LMBRD2: variants seen among roughly 807,000 people sequenced by gnomAD.
The protein encoded by LMBRD2 is LMBR1 domain containing 2.
A neutral mutation model predicts 94.4 loss-of-function variants in LMBRD2; 55 were observed. The observed-to-expected ratio is 0.58, with a 90% CI of 0.47 to 0.73. The LOEUF (loss-of-function observed/expected upper bound fraction) is 0.73. LMBRD2 is among the 30% of genes least tolerant of loss of function. The pLI, the probability that LMBRD2 is intolerant of heterozygous loss-of-function variation, is 0.00. For synonymous variants in LMBRD2, 246 were observed against 272.4 expected (o/e 0.90, Z 0.95); for missense variants, 640 against 831.9 (o/e 0.77, Z 2.84).
At chr5:36,128,575 C>T (rs1030633138) in intron 6 of LMBRD2, among the ~76,000 whole-genome samples, 9 of 152,098 alleles carry the variant, frequency 5.9e-5, no homozygotes, top group South Asian at 4.2e-4. Flanking sequence ...CAAAAATTAG[C>T]TGGGTGGTGG....
chr5:36,107,226 T>C (rs1021718415), intron 16 of LMBRD2, among the ~76,000 whole-genome samples: 22 of 152,200 alleles, frequency 1.4e-4, no homozygotes, highest in African/African-American at 4.8e-4. Context: ...TCTGGTGAAA[T>C]TCCCCCCTAT....
Position 36,122,436 on chromosome 5 carries a change from G to A in LMBRD2, c.964C>T (p.Arg322Ter), listed in dbSNP as rs763720616. The change falls in exon 9 of 18, where the codon CGA becomes TGA. Residue 322 changes from arginine (R) to a stop codon, truncating the protein, a stop_gained. Transcript: ENST00000296603. LOFTEE classifies it high-confidence loss of function. Reference sequence around the variant, plus strand: ...AGAATCTGCCATTGTACTTGAGTTCGACGGTGTCTCTGAACTGAATAAATC... The same window carrying A: ...AGAATCTGCCATTGTACTTGAGTTCAACGGTGTCTCTGAACTGAATAAATC... ...QVIYSVQRHR[R>*]TQVQWQILLE... 2.5e-6 allele frequency: 4 copies of A among 1,613,320 alleles called. No homozygotes were observed. The highest frequency in any genetic ancestry group is 3.4e-6 in the Non-Finnish European group (4 of 1,179,670).
At chr5:36,145,734 C>T (rs959738426) in intron 1 of LMBRD2, among the ~76,000 whole-genome samples, 1 of 151,846 alleles carries the variant, frequency 6.6e-6, no homozygotes, top group Non-Finnish European at 1.5e-5. Context: ...ATATGACAAT[C>T]ATACAAAAAA....
chr5:36,142,479 A>T (rs1023554272), intron 3 of LMBRD2, 23 bp downstream of exon 3: 21 of 1,366,402 alleles, frequency 1.5e-5, no homozygotes, highest in Non-Finnish European at 2.2e-5. Context: ...ATGTTTATAT[A>T]TTTTTTTTAA....
chr5:36,126,652 T>C (rs924531818), intron 6 of LMBRD2, among the ~76,000 whole-genome samples: 12 of 152,198 alleles, frequency 7.9e-5, no homozygotes, highest in Admixed American at 6.5e-4. Flanking sequence ...TTTTGAATGA[T>C]TTGACATAGT....
intron 6 of LMBRD2, among the ~76,000 whole-genome samples, chr5:36,136,083 GA>G (rs1473239421): frequency 6.6e-6 from 1 of 152,164 alleles, no homozygotes; most frequent in African/African-American, 2.4e-5. Context: ...CTGCACTATT[GA>G]ATATATTTTC....
intron 9 of LMBRD2, among the ~76,000 whole-genome samples, chr5:36,120,439 T>G (rs1743863309): frequency 6.6e-6 from 1 of 152,304 alleles, no homozygotes; most frequent in African/African-American, 2.4e-5. Flanking sequence ...TTTTGTATTT[T>G]TAGTAGAGAC....
intron 9 of LMBRD2, among the ~76,000 whole-genome samples, chr5:36,121,771 A>G (rs1357041505): frequency 2.0e-5 from 3 of 152,176 alleles, no homozygotes; most frequent in African/African-American, 4.8e-5. Context: ...CATTTTTACT[A>G]TTATCTTTTC....
At chr5:36,127,910 G>A (rs1017588526) in intron 6 of LMBRD2, among the ~76,000 whole-genome samples, 8 of 152,204 alleles carry the variant, frequency 5.3e-5, no homozygotes, top group African/African-American at 1.7e-4. Flanking sequence ...AGCAAACATA[G>A]ACGGTAGCCA....
In LMBRD2 at chr5:36,108,553, T is replaced by A; in HGVS notation, c.1878A>T (p.Ser626=). 6.3e-7 allele frequency: 1 copy of A among 1,580,576 alleles called. No individual in the cohort carries two copies. The highest frequency in any genetic ancestry group is 8.7e-7 in the Non-Finnish European group (1 of 1,155,334). ...IHTDPKESNF[S]DVNTNRSAFK... ...ACTTACAACGGTTGGTATTAACATC[T>A]GAGAAGTTTGACTCTTTGGGGTCAG... The change falls in exon 16 of 18, where the codon TCA becomes TCT. Residue 626 remains serine (S), a synonymous_variant. Transcript: ENST00000296603.
chr5:36,145,236 C>T (rs555549414), intron 1 of LMBRD2, among the ~76,000 whole-genome samples: 189 of 152,222 alleles, frequency 1.2e-3, no homozygotes, highest in African/African-American at 3.7e-3. Context: ...CTATTACTGA[C>T]GACTTCAAAG....
chr5:36,126,465 T>C (rs1581053481), intron 6 of LMBRD2, among the ~76,000 whole-genome samples: 2 of 152,304 alleles, frequency 1.3e-5, no homozygotes, highest in Non-Finnish European at 1.5e-5. Context: ...AACTTTGAGC[T>C]CTTTCATTAC....
rs201602814 is a variant in LMBRD2 at position 36,106,508 on chromosome 5, C to CTTTTTTTTTTTTTTTTTTTT, written c.1898-1312_1898-1311insAAAAAAAAAAAAAAAAAAAA. On this transcript the variant is annotated intron_variant, in intron 16 of 17. Coordinates refer to ENST00000296603, the MANE Select transcript of LMBRD2 (RefSeq NM_001007527.2). ...TCAAAATCCCAACTTTTTTTTCTTT[C>CTTTTTTTTTTTTTTTTTTTT]GTTTTTTTTTTTTTTTTTTTTGATG... Among the ~76,000 whole-genome samples, 7 of 132,868 alleles carry CTTTTTTTTTTTTTTTTTTTT rather than the reference C, an allele frequency of 5.3e-5. 1 individual carries two copies. 87.2% of individuals were successfully genotyped at this position (132,868 alleles called of 152,430 possible). A position where few individuals can be genotyped will look rare whatever the true frequency, so the allele number is the denominator to read the frequency against.
chr5:36,114,573 T>C, intron 12 of LMBRD2, 52 bp from the exon 13 acceptor site: 1 of 1,461,498 alleles, frequency 6.8e-7, no homozygotes, highest in Non-Finnish European at 9.0e-7. Flanking sequence ...ATAATTTCCA[T>C]TCCTTTCCAT....
chr5:36,102,480 A>T lies in LMBRD2; in HGVS notation c.*1566T>A, dbSNP rs1211724733. On this transcript the variant is annotated 3_prime_UTR_variant, in exon 18 of 18. Transcript: ENST00000296603. ...GAAAAGACTGTATGTGTGTGTTCTTAAGTGTAGTCTATATGACCTTCAATT... is the reference window on the plus strand; with the variant it reads ...GAAAAGACTGTATGTGTGTGTTCTTTAGTGTAGTCTATATGACCTTCAATT... 1 of 151,764 alleles carries T rather than the reference A, an allele frequency of 6.6e-6. No homozygotes were observed. Among genetic ancestry groups the T allele is most frequent in the Non-Finnish European group, 1.5e-5 (1 of 67,776 alleles). The allele number at this position is 151,764 out of a possible 1,614,324, so 9.4% of individuals were successfully genotyped here.
intron 3 of LMBRD2, 24 bp downstream of exon 3, chr5:36,142,478 T>C (rs769967229): frequency 1.5e-6 from 2 of 1,341,852 alleles, no homozygotes; most frequent in South Asian, 2.4e-5. Context: ...AATGTTTATA[T>C]ATTTTTTTTA....
chr5:36,109,867 TA>T (rs1743562566), intron 15 of LMBRD2, 77 bp downstream of exon 15: 2 of 1,056,250 alleles, frequency 1.9e-6, no homozygotes, highest in Admixed American at 4.3e-5. Flanking sequence ...TTTAGCTAAT[TA>T]TTCCAAATTA....
chr5:36,103,922 T>C lies in LMBRD2; in HGVS notation c.*124A>G, dbSNP rs1743404190. The stretch of plus-strand genomic sequence containing the variant: ...TTCCTAAGATATAATTAATTCTCAG[T>C]GCCTTTTTTGTTATCTTGACACTTT... On this transcript the variant is annotated 3_prime_UTR_variant, in exon 18 of 18. Transcript: ENST00000296603. 1.6e-6 allele frequency: 1 copy of C among 634,038 alleles called. No homozygotes were observed. Among genetic ancestry groups the C allele is most frequent in the Non-Finnish European group, 2.9e-6 (1 of 350,424 alleles). The allele number at this position is 634,038 out of a possible 1,614,324, so 39.3% of individuals were successfully genotyped here.
At position 36,122,980 on chromosome 5, in the gene LMBRD2, A is replaced by T. The variant is rs1743924862; in HGVS notation, c.823-19T>A. The T allele has an allele frequency of 6.8e-7, 1 of 1,462,962 alleles. No homozygotes were observed. 90.6% of individuals were successfully genotyped at this position (1,462,962 alleles called of 1,614,324 possible). A position where few individuals can be genotyped will look rare whatever the true frequency, so the allele number is the denominator to read the frequency against. On this transcript the variant is annotated intron_variant, in intron 7 of 17. Coordinates refer to ENST00000296603, the MANE Select transcript of LMBRD2 (RefSeq NM_001007527.2). The stretch of plus-strand genomic sequence containing the variant: ...TAGGGCACTAAAAAAAAAAAAAAGT[A>T]GATTTTTAAAAATCTTAATTGTAAA...
Sources: gnomAD v4.1 joint callset for allele counts (sites outside exome capture counted in the v4.1 genomes callset) on GRCh38, gnomAD v4.1.1 for gene constraint, MANE v1.5 for transcripts, NCBI Gene and HGNC (gene_info 2026-07-23, HGNC 2026-07-21) for gene names.